The following ITGB3 variants were observed in gnomAD, a reference collection of about 807,000 sequenced individuals.
The protein encoded by ITGB3 is integrin beta-3.
Under a neutral mutation model 85.8 loss-of-function variants are expected in ITGB3, and 48 were observed. The observed-to-expected ratio is 0.56, with a 90% confidence interval of 0.44 to 0.71. The LOEUF (loss-of-function observed/expected upper bound fraction) is 0.71. ITGB3 is among the 30% of genes least tolerant of loss of function. ITGB3 has a pLI of 0.00. For missense variants in ITGB3, 861 were observed against 1,019.1 expected (o/e 0.84, Z 2.11); for synonymous variants, 363 against 395.6 (o/e 0.92, Z 0.98).
chr17:47,273,998 G>A (rs1359372154), intron 1 of ITGB3, among the ~76,000 whole-genome samples: 1 of 152,184 alleles, frequency 6.6e-6, no homozygotes, highest in Non-Finnish European at 1.5e-5. Context: ...CTGGGCCTTG[G>A]ATCCCCTGTG....
chr17:47,284,191 G>C (rs887181516), intron 3 of ITGB3, among the ~76,000 whole-genome samples: 1 of 152,182 alleles, frequency 6.6e-6, no homozygotes, highest in African/African-American at 2.4e-5. Flanking sequence ...TGATAGACCC[G>C]TGGAACTCAC....
chr17:47,287,620 A>G (rs1324100258), intron 6 of ITGB3, among the ~76,000 whole-genome samples: 1 of 152,212 alleles, frequency 6.6e-6, no homozygotes, highest in African/African-American at 2.4e-5. Flanking sequence ...AAAAAGAGAA[A>G]GATTGGCCAG....
intron 2 of ITGB3, among the ~76,000 whole-genome samples, chr17:47,276,078 C>T (rs1185974403): frequency 2.0e-5 from 3 of 152,222 alleles, no homozygotes; most frequent in African/African-American, 4.8e-5. Flanking sequence ...CTTGGGTAGC[C>T]GAAAGCCTTC....
At chr17:47,276,275 T>C (rs1419122215) in intron 2 of ITGB3, among the ~76,000 whole-genome samples, 1 of 152,284 alleles carries the variant, frequency 6.6e-6, no homozygotes, top group East Asian at 1.9e-4. Flanking sequence ...TTTTCATCCC[T>C]CTTGATCTGT....
intron 6 of ITGB3, among the ~76,000 whole-genome samples, chr17:47,289,009 G>C (rs2065114997): frequency 6.6e-6 from 1 of 152,124 alleles, no homozygotes; most frequent in Admixed American, 6.5e-5. Flanking sequence ...CAACAAGAAG[G>C]CCACTCCAGG....
Position 47,284,509 on chromosome 17 carries a change from T to G in ITGB3, c.428T>G (p.Leu143Trp), listed in dbSNP as rs121918452. 10 of 1,614,128 alleles carry G rather than the reference T, an allele frequency of 6.2e-6. No homozygotes were observed. In the South Asian group the frequency reaches 9.9e-5, roughly 16 times the overall value. ...GATTACCCTGTGGACATCTACTACTTGATGGACCTGTCTTACTCCATGAAG... is the reference window on the plus strand; with the variant it reads ...GATTACCCTGTGGACATCTACTACTGGATGGACCTGTCTTACTCCATGAAG... The part of the protein sequence containing the change: ...VEDYPVDIYY[L>W]MDLSYSMKDD... The change falls in exon 4 of 15, where the codon TTG (leucine) becomes TGG (tryptophan). Residue 143 changes from leucine (L) to tryptophan (W), a missense_variant. Coordinates refer to ENST00000559488, the MANE Select transcript of ITGB3 (RefSeq NM_000212.3).
At chr17:47,284,988 G>T (rs1160477222) in intron 4 of ITGB3, among the ~76,000 whole-genome samples, 2 of 152,168 alleles carry the variant, frequency 1.3e-5, no homozygotes, top group Admixed American at 6.5e-5. Flanking sequence ...GACGTCAAAA[G>T]TAGAAAGAAA....
intron 1 of ITGB3, among the ~76,000 whole-genome samples, chr17:47,258,055 A>G (rs1458941928): frequency 1.3e-5 from 2 of 152,202 alleles, no homozygotes; most frequent in Non-Finnish European, 2.9e-5. Context: ...AGAAATCTCC[A>G]GGAAGCATGC....
At chr17:47,278,765 T>G (rs2065072719) in intron 2 of ITGB3, among the ~76,000 whole-genome samples, 1 of 152,134 alleles carries the variant, frequency 6.6e-6, no homozygotes, top group Non-Finnish European at 1.5e-5. Context: ...TGGCATTAGA[T>G]TCTCACAGGA....
intron 13 of ITGB3, among the ~76,000 whole-genome samples, chr17:47,306,322 T>C (rs2065187832): frequency 6.6e-6 from 1 of 152,240 alleles, no homozygotes; most frequent in African/African-American, 2.4e-5. Context: ...TCATCCAGGC[T>C]GGAGAGCAGT....
chr17:47,279,900 G>A (rs143801929), intron 2 of ITGB3: 2 of 152,420 alleles, frequency 1.3e-5, no homozygotes, highest in African/African-American at 2.4e-5. Context: ...GCAAGAGAAA[G>A]ACTGCTTCCA....
At chr17:47,290,499 T>TG (rs2065121093) in intron 8 of ITGB3, among the ~76,000 whole-genome samples, 1 of 140,580 alleles carries the variant, frequency 7.1e-6, no homozygotes, top group Non-Finnish European at 1.6e-5. Flanking sequence ...AAGATGGGGA[T>TG]GGGGATGGTG....
intron 12 of ITGB3, among the ~76,000 whole-genome samples, chr17:47,301,661 G>C (rs2065167773): frequency 6.6e-6 from 1 of 152,130 alleles, no homozygotes; most frequent in Admixed American, 6.5e-5. Context: ...GGAAAAGAGT[G>C]TGGAAATAAG....
At chr17:47,304,762 C>T (rs1448626398) in intron 13 of ITGB3, among the ~76,000 whole-genome samples, 1 of 152,114 alleles carries the variant, frequency 6.6e-6, no homozygotes, top group Non-Finnish European at 1.5e-5. Context: ...CGCCCACCAC[C>T]ACACCTGACT....
chr17:47,271,282 C>G (rs1241441014), intron 1 of ITGB3, among the ~76,000 whole-genome samples: 1 of 152,034 alleles, frequency 6.6e-6, no homozygotes, highest in African/African-American at 2.4e-5. Context: ...CCTCCTGTCC[C>G]CCAAGTAAGG....
Position 47,310,430 on chromosome 17 carries a change from G to T in ITGB3, c.*226G>T. The T allele has an allele frequency of 1.6e-6, 1 of 623,432 alleles. No homozygotes were observed. 38.6% of individuals were successfully genotyped at this position (623,432 alleles called of 1,614,324 possible). On this transcript the variant is annotated 3_prime_UTR_variant, in exon 15 of 15. Transcript: ENST00000559488. ...GTGGGAGTGTGTAATTTAAAATTGT[G>T]ATGTGTCCTGATAAGCTGAGCTCCT...
At chr17:47,278,629 T>A (rs1743295132) in intron 2 of ITGB3, among the ~76,000 whole-genome samples, 1 of 152,068 alleles carries the variant, frequency 6.6e-6, no homozygotes, top group Non-Finnish European at 1.5e-5. Context: ...TTGCTTATAC[T>A]GTGTCCTAAA....
At chr17:47,256,408 C>G (rs758236083) in intron 1 of ITGB3, among the ~76,000 whole-genome samples, 3 of 152,074 alleles carry the variant, frequency 2.0e-5, no homozygotes, top group African/African-American at 4.8e-5. Context: ...CCCACACTCT[C>G]TCTGAGAAGC....
rs567611709 is a variant in ITGB3 at position 47,307,275 on chromosome 17, T to C, written c.2135-196T>C. On this transcript the variant is annotated intron_variant, in intron 13 of 14. Coordinates refer to ENST00000559488, the MANE Select transcript of ITGB3 (RefSeq NM_000212.3). ...GGTTCTGTCTAGGGGTTACCAGGTC[T>C]AGACTTCTGATTTGAGCCACTCAGT... Among the ~76,000 whole-genome samples, 11 of 152,362 alleles carry C rather than the reference T, an allele frequency of 7.2e-5. No homozygotes were observed. The East Asian group carries it at 1.7e-3, about 24-fold the overall frequency.
Sources: allele counts gnomAD v4.1 joint callset (sites outside exome capture counted in the v4.1 genomes callset), GRCh38; gene constraint gnomAD v4.1.1; transcripts MANE v1.5; gene names NCBI Gene and HGNC (gene_info 2026-07-23, HGNC 2026-07-21).